The following ADAMTS6 variants were observed in gnomAD, a reference collection of about 807,000 sequenced individuals.
ADAMTS6 encodes ADAM metallopeptidase with thrombospondin type 1 motif 6.
In ADAMTS6, 23 loss-of-function variants were observed where a neutral mutation model predicts 144.3. The ratio of observed to expected loss-of-function variants is 0.16; its 90% confidence interval spans 0.11 to 0.23. The LOEUF (loss-of-function observed/expected upper bound fraction) is 0.23, where lower values mean the gene tolerates loss of function less well. Ranked by LOEUF, ADAMTS6 falls within the 10% of genes least tolerant of loss-of-function variation. The probability of loss-of-function intolerance (pLI) is 1.00; values close to 1 mark genes in which losing one functional copy is unlikely to be tolerated. For missense variants in ADAMTS6, 999 were observed against 1,379.6 expected, an observed-to-expected ratio of 0.72 and a Z score of 4.37; for synonymous variants, 444 against 457.5, an observed-to-expected ratio of 0.97 and a Z score of 0.38.
intron 7 of ADAMTS6, among the ~76,000 whole-genome samples, chr5:65,353,815 T>C (rs1282104192): frequency 6.6e-6 from 1 of 151,932 alleles, no homozygotes; most frequent in East Asian, 1.9e-4. Context: ...CCAACATGTT[T>C]AGGCAATGGA....
chr5:65,388,946 G>C (rs557948119), intron 7 of ADAMTS6, among the ~76,000 whole-genome samples: 2 of 152,276 alleles, frequency 1.3e-5, no homozygotes, highest in South Asian at 2.1e-4. Context: ...AGTGGCTCAA[G>C]CCTGTAATCC....
chr5:65,379,688 T>C (rs182394896), intron 7 of ADAMTS6, among the ~76,000 whole-genome samples: 2 of 151,996 alleles, frequency 1.3e-5, no homozygotes, highest in Admixed American at 6.6e-5. Context: ...CCTAAACACA[T>C]GCACACACAT....
At chr5:65,205,389 A>G (rs1756017904) in intron 20 of ADAMTS6, among the ~76,000 whole-genome samples, 1 of 152,230 alleles carries the variant, frequency 6.6e-6, no homozygotes, top group Non-Finnish European at 1.5e-5. Context: ...TTAAAAGGAC[A>G]TCTCTGAAAA....
At chr5:65,282,632 C>T (rs1333207192) in intron 11 of ADAMTS6, among the ~76,000 whole-genome samples, 4 of 151,968 alleles carry the variant, frequency 2.6e-5, no homozygotes, top group African/African-American at 7.3e-5. Flanking sequence ...CCATTTCTTT[C>T]GGGGCCTGCT....
chr5:65,225,192 G>A, intron 16 of ADAMTS6, 145 bp from the exon 17 acceptor site: 3 of 981,786 alleles, frequency 3.1e-6, no homozygotes, highest in East Asian at 2.8e-5. Flanking sequence ...ACCATACTTG[G>A]GTCTTTGTTA....
chr5:65,262,794 T>C (rs925379706), intron 13 of ADAMTS6, 23 bp downstream of exon 13: 1 of 1,483,802 alleles, frequency 6.7e-7, no homozygotes, highest in Non-Finnish European at 8.9e-7. Context: ...TTTTGTTGGC[T>C]CCGGCTTACT....
chr5:65,192,341 C>T (rs892334735), intron 21 of ADAMTS6, among the ~76,000 whole-genome samples: 8 of 152,052 alleles, frequency 5.3e-5, no homozygotes, highest in African/African-American at 1.9e-4. Context: ...TCCCAAAGTA[C>T]AGTGTCTTCC....
intron 18 of ADAMTS6, among the ~76,000 whole-genome samples, chr5:65,216,782 T>TACACACACAC (rs10584577): frequency 0.037 from 5,507 of 148,558 alleles, 115 homozygotes; most frequent in African/African-American, 0.056. Context: ...TTACAAGAAA[T>TACACACACAC]ACACACACAC....
At chr5:65,332,603 T>C (rs1189235379) in intron 8 of ADAMTS6, among the ~76,000 whole-genome samples, 1 of 151,970 alleles carries the variant, frequency 6.6e-6, no homozygotes, top group African/African-American at 2.4e-5. Flanking sequence ...ACATCTACAT[T>C]TTTTTCCTTA....
chr5:65,380,216 A>C (rs1446871057), intron 7 of ADAMTS6, among the ~76,000 whole-genome samples: 1 of 152,118 alleles, frequency 6.6e-6, no homozygotes, highest in Non-Finnish European at 1.5e-5. Flanking sequence ...TATATCTTAT[A>C]GATTATGCAT....
At chr5:65,220,808 T>C (rs1757273311) in intron 18 of ADAMTS6, among the ~76,000 whole-genome samples, 1 of 152,048 alleles carries the variant, frequency 6.6e-6, no homozygotes, top group South Asian at 2.1e-4. Context: ...GAGAAAATCA[T>C]TTAAACTGTA....
At position 65,398,828 on chromosome 5, in the gene ADAMTS6, GAAAGAAAGAAAGAAAGAA is replaced by G. The variant is rs1243716074; in HGVS notation, c.1073+52629_1073+52646del. The stretch of plus-strand genomic sequence containing the variant: ...AGAAAGAAAGAAAGAAAGAAAGAAA[GAAAGAAAGAAAGAAAGAA>G]AGAAAAAGAAAGAGAAAGAAAGAAA... On this transcript the variant is annotated intron_variant, in intron 7 of 24. Transcript: ENST00000381055. Among the ~76,000 whole-genome samples, 4 of 145,002 alleles carry G rather than the reference GAAAGAAAGAAAGAAAGAA, an allele frequency of 2.8e-5. 1 individual carries two copies. The highest frequency in any genetic ancestry group is 7.9e-5 in the African/African-American group (3 of 37,766).
rs371487468 is a variant in ADAMTS6 at position 65,452,853 on chromosome 5, T to C, written c.697A>G (p.Ile233Val). 95 of 1,613,992 alleles carry C rather than the reference T, an allele frequency of 5.9e-5. No homozygotes were observed. The highest frequency in any genetic ancestry group is 7.7e-5 in the Non-Finnish European group (91 of 1,179,974). Residue 233 changes from isoleucine to valine, a missense_variant, in exon 5 of 25, where the codon ATT (isoleucine) becomes GTT (valine). Transcript: ENST00000381055. ...CTGTGGTGGATATGTGTGTTGTTAA[T>C]TGGTAGTGAATAAGAAACAGTGGAT... ...DTSTVSYSLP[I>V]NNTHIHHRQK...
chr5:65,196,330 G>A (rs917917301), intron 21 of ADAMTS6, among the ~76,000 whole-genome samples: 1 of 151,880 alleles, frequency 6.6e-6, no homozygotes, highest in African/African-American at 2.4e-5. Context: ...AGGTGATCCT[G>A]GCTAACACAG....
chr5:65,400,466 T>A (rs566599336), intron 7 of ADAMTS6, among the ~76,000 whole-genome samples: 3 of 152,190 alleles, frequency 2.0e-5, no homozygotes, highest in African/African-American at 7.2e-5. Flanking sequence ...GCCTCTTGCA[T>A]TGGCCTCTCA....
intron 15 of ADAMTS6, among the ~76,000 whole-genome samples, chr5:65,241,172 A>G (rs951032154): frequency 2.0e-5 from 3 of 152,004 alleles, no homozygotes; most frequent in African/African-American, 7.2e-5. Flanking sequence ...AATTCTGTTA[A>G]TATAAGATAC....
intron 7 of ADAMTS6, among the ~76,000 whole-genome samples, chr5:65,447,783 A>G (rs1758383279): frequency 6.6e-6 from 1 of 151,258 alleles, no homozygotes; most frequent in Non-Finnish European, 1.5e-5. Flanking sequence ...TTTAACTAAA[A>G]TTATAGATCA....
chr5:65,382,322 G>A lies in ADAMTS6; in HGVS notation c.1074-48237C>T, dbSNP rs77039471. Among the ~76,000 whole-genome samples the A allele has an allele frequency of 3.5e-3, 540 of 152,290 alleles. 1 individual carries two copies. The highest frequency in any genetic ancestry group is 6.1e-3 in the Non-Finnish European group (417 of 68,026). ...TTAGATAAGGTATTAGTCATTACCT[G>A]ACTTGGCCATATAAGAAGTCTCAAT... On this transcript the variant is annotated intron_variant, in intron 7 of 24. Coordinates refer to ENST00000381055, the MANE Select transcript of ADAMTS6 (RefSeq NM_197941.4).
At chr5:65,373,254 A>T (rs1305675451) in intron 7 of ADAMTS6, among the ~76,000 whole-genome samples, 1 of 151,156 alleles carries the variant, frequency 6.6e-6, no homozygotes, top group East Asian at 1.9e-4. Flanking sequence ...AAATAACTAA[A>T]ATCAGAGCAG....
Sources: allele counts gnomAD v4.1 joint callset (sites outside exome capture counted in the v4.1 genomes callset), GRCh38; gene constraint gnomAD v4.1.1; transcripts MANE v1.5; gene names NCBI Gene and HGNC (gene_info 2026-07-23, HGNC 2026-07-21).